ARHGAP4: variants seen among roughly 807,000 people sequenced by gnomAD.
ARHGAP4 encodes rho GTPase-activating protein 4.
Under a neutral mutation model 67.6 loss-of-function variants are expected in ARHGAP4, and 25 were observed. The observed-to-expected ratio is 0.37, with a 90% CI of 0.27 to 0.52. The LOEUF is 0.52. Among genes scored for constraint, ARHGAP4 ranks in the 20% least tolerant of loss-of-function variants. The pLI, the probability that ARHGAP4 is intolerant of heterozygous loss-of-function variation, is 0.92. For missense variants in ARHGAP4, 804 were observed against 854.6 expected (o/e 0.94, Z 0.74); for synonymous variants, 448 against 373.7 (o/e 1.20, Z -2.29).
At position 153,910,304 on chromosome X, in the gene ARHGAP4, C is replaced by T; in HGVS notation, c.2023G>A (p.Ala675Thr). ...LPVPAGQDPV[A>T]LQGRVNQLVQ... is the part of the protein sequence containing the mutation. ...AGCTGGTTCACCCGGCCCTGCAGCG[C>T]CACCGGGTCCTGCCCAGCGGGCACC... The change falls in exon 17 of 22, where the codon GCG (alanine) becomes ACG (threonine). Residue 675 changes from alanine to threonine, a missense_variant. Physicochemically the swap from Ala to Thr is moderately conservative, Grantham distance 58. Transcript: ENST00000350060. The T allele has an allele frequency of 8.3e-7, 1 of 1,209,756 alleles. No individual in the cohort carries two copies. Among genetic ancestry groups the T allele is most frequent in the East Asian group, 3.0e-5 (1 of 33,783 alleles).
Position 153,918,814 on chromosome X carries a change from G to A in ARHGAP4, c.1032+18C>T. 8.3e-7 allele frequency: 1 copy of A among 1,205,343 alleles called. No individual in the cohort carries two copies. The highest frequency in any genetic ancestry group is 2.2e-5 in the Admixed American group (1 of 45,979). On this transcript the variant is annotated intron_variant, in intron 7 of 21. Transcript: ENST00000350060. ...TGAAGGCCAGAGAATGCCAAGCCCA[G>A]CAGGGGGTGACCCTCACCTCATCCC... is the stretch of plus-strand genomic sequence containing the variant.
intron 1 of ARHGAP4, among the ~76,000 whole-genome samples, chrX:153,925,860 G>C (rs782756911): frequency 1.1e-4 from 12 of 113,202 alleles, no homozygotes; most frequent in Non-Finnish European, 1.9e-4. Context: ...GCGGCCACCA[G>C]TGTCTCCACT....
chrX:153,924,120 C>T (rs1350245197), intron 1 of ARHGAP4, among the ~76,000 whole-genome samples: 1 of 111,926 alleles, frequency 8.9e-6, no homozygotes, highest in Non-Finnish European at 1.9e-5. Context: ...CATTTCATTC[C>T]AAGAAAGGTG....
chrX:153,918,808 A>G (rs782190590), intron 7 of ARHGAP4, 24 bp downstream of exon 7: 48 of 1,199,641 alleles, frequency 4.0e-5, no homozygotes, highest in Non-Finnish European at 5.2e-5. Flanking sequence ...GAGAATGCCA[A>G]GCCCAGCAGG....
Position 153,909,919 on chromosome X carries a change from C to T in ARHGAP4, c.2236G>A (p.Glu746Lys). The change falls in exon 19 of 22, where the codon GAG (glutamate) becomes AAG (lysine). Residue 746 changes from glutamate (E) to lysine (K), a missense_variant. Glu to Lys is a moderately conservative substitution (Grantham distance 56). Transcript: ENST00000350060. ...CAGGCCACAGCCTCCACGACCCCCT[C>T]CAGGTCTGGGGAGGAGAGGGGGTCC... ...AEMPAQEDDL[E>K]GVVEAVACFA... 8.3e-7 allele frequency: 1 copy of T among 1,207,235 alleles called. No homozygotes were observed. The highest frequency in any genetic ancestry group is 1.1e-6 in the Non-Finnish European group (1 of 893,544).
At chrX:153,920,906 G>A in intron 4 of ARHGAP4, 98 bp from the exon 5 acceptor site, 9 of 1,094,983 alleles carry the variant, frequency 8.2e-6, no homozygotes, top group Non-Finnish European at 1.1e-5. Context: ...GGACCTCAGA[G>A]CTGGGCGATC....
chrX:153,920,305 T>C, intron 5 of ARHGAP4: 1 of 287,369 alleles, frequency 3.5e-6, no homozygotes, highest in Non-Finnish European at 6.1e-6. Flanking sequence ...CCTTTCTCCG[T>C]GCGTGTCACC....
chrX:153,926,024 A>G, intron 1 of ARHGAP4, 112 bp downstream of exon 1: 1 of 1,035,525 alleles, frequency 9.7e-7, no homozygotes, highest in Admixed American at 2.9e-5. Context: ...CCCGCTCCAG[A>G]GGTCGCTGGG....
rs2065115483 is a variant in ARHGAP4, at chrX:153,924,550, C to G, written c.67+1586G>C. Among the ~76,000 whole-genome samples, 6 of 111,897 alleles carry G rather than the reference C, an allele frequency of 5.4e-5. No homozygotes were observed. The South Asian group carries it at 2.2e-3, about 42-fold the overall frequency. ...TAATGCAAAGTCTATGTCTCCCCCA[C>G]TAGACCCGTGAGCCATGTGAGGGCG... On this transcript the variant is annotated intron_variant, in intron 1 of 21. Transcript: ENST00000350060.
Position 153,910,913 on chromosome X carries a change from C to A in ARHGAP4, c.1681+9G>T. 1 of 1,141,342 alleles carries A rather than the reference C, an allele frequency of 8.8e-7. No individual in the cohort carries two copies. Among genetic ancestry groups the A allele is most frequent in the East Asian group, 3.3e-5 (1 of 30,044 alleles). The allele number at this position is 1,141,342 out of a possible 1,213,427, so 94.1% of individuals were successfully genotyped here. On this transcript the variant is annotated intron_variant, in intron 14 of 21. Transcript: ENST00000350060. ...AGCCCCCACCCCCGCCCGCCCTGCC[C>A]GTCCCCACCTCTCTCGAAGGCATCA...
intron 5 of ARHGAP4, 32 bp downstream of exon 5, chrX:153,920,594 A>G: frequency 8.6e-7 from 1 of 1,169,004 alleles, no homozygotes; most frequent in Non-Finnish European, 1.1e-6. Context: ...CATGGCCCAT[A>G]GGCCTGCGTC....
rs781998219 is a variant in ARHGAP4, at chrX:153,909,860, C to T, written c.2295G>A (p.Leu765=). ...FAYTGRTAQE[L]SFRRGDVLRL... ...GCAGTACGTCCCCCCGCCGGAAGCT[C>T]AGCTCCTGGGCTGTGCGGCCCGTGT... is the stretch of plus-strand genomic sequence containing the variant. The change falls in exon 19 of 22, where the codon CTG becomes CTA. Residue 765 remains leucine (L), a synonymous_variant. Transcript: ENST00000350060. 1 of 1,203,524 alleles carries T rather than the reference C, an allele frequency of 8.3e-7. No homozygotes were observed. The highest frequency in any genetic ancestry group is 1.1e-6 in the Non-Finnish European group (1 of 892,419).
chrX:153,909,253 G>T, intron 20 of ARHGAP4, 84 bp from the exon 21 acceptor site: 1 of 976,010 alleles, frequency 1.0e-6, no homozygotes, highest in Non-Finnish European at 1.4e-6. Context: ...CCTGGGGTGT[G>T]GCCAAGGAAA....
chrX:153,918,742 T>C (rs1557104591), intron 7 of ARHGAP4, 90 bp downstream of exon 7: 1 of 977,625 alleles, frequency 1.0e-6, no homozygotes, highest in Non-Finnish European at 1.4e-6. Context: ...GAACTTGGAT[T>C]CCTGAGCAAA....
At chrX:153,913,185 G>A (rs1557103686) in intron 10 of ARHGAP4, 33 bp downstream of exon 10, 1 of 1,163,944 alleles carries the variant, frequency 8.6e-7, no homozygotes, top group East Asian at 3.2e-5. Flanking sequence ...CTGGGCAGGG[G>A]AGAGGCGGGG....
rs781960199 is a variant in ARHGAP4 at position 153,920,703 on chromosome X, T to C, written c.604A>G (p.Thr202Ala). 4 of 1,211,545 alleles carry C rather than the reference T, an allele frequency of 3.3e-6. No homozygotes were observed. The highest frequency in any genetic ancestry group is 3.4e-6 in the Non-Finnish European group (3 of 895,505). ...GCCTCAGTGGCACCAGCGGTGGTGG[T>C]GGGGACACTCCGGCCTGCCCGCTTC... ...EEKRAGRSVP[T>A]TTAGATEAGP... The change falls in exon 5 of 22, where the codon ACC becomes GCC. Residue 202 changes from threonine to alanine, a missense_variant. Transcript: ENST00000350060.
Position 153,926,256 on chromosome X carries a change from G to A in ARHGAP4, c.-54C>T. Reference sequence around the variant, plus strand: ...CCACTGCTCCCACGCGGCCGTGAGCGGGCCCGGCGCCGGGACTTGGGGGCG... The same window carrying A: ...CCACTGCTCCCACGCGGCCGTGAGCAGGCCCGGCGCCGGGACTTGGGGGCG... On this transcript the variant is annotated 5_prime_UTR_variant, in exon 1 of 22. Coordinates refer to ENST00000350060, the MANE Select transcript of ARHGAP4 (RefSeq NM_001666.5). 1 of 1,017,104 alleles carries A rather than the reference G, an allele frequency of 9.8e-7. No homozygotes were observed. Among genetic ancestry groups the A allele is most frequent in the Non-Finnish European group, 1.2e-6 (1 of 801,581 alleles). 83.8% of individuals were successfully genotyped at this position (1,017,104 alleles called of 1,213,427 possible). A position where few individuals can be genotyped will look rare whatever the true frequency, so the allele number is the denominator to read the frequency against.
chrX:153,921,075 C>T, intron 4 of ARHGAP4, 22 bp downstream of exon 4: 1 of 1,194,672 alleles, frequency 8.4e-7, no homozygotes, highest in Non-Finnish European at 1.1e-6. Flanking sequence ...TGGGGCAGGC[C>T]CCTCCCCAGC....
At position 153,911,112 on chromosome X, in the gene ARHGAP4, G is replaced by C; in HGVS notation, c.1603+17C>G. Reference sequence around the variant, plus strand: ...TGCTGGGTGCCAGGACATCGGGAGGGGCTGGGTCCTGCTTACCATTGAGGT... The same window carrying C: ...TGCTGGGTGCCAGGACATCGGGAGGCGCTGGGTCCTGCTTACCATTGAGGT... On this transcript the variant is annotated intron_variant, in intron 13 of 21. Coordinates refer to ENST00000350060, the MANE Select transcript of ARHGAP4 (RefSeq NM_001666.5). The C allele has an allele frequency of 5.1e-6, 6 of 1,168,646 alleles. No homozygotes were observed. The highest frequency in any genetic ancestry group is 6.9e-6 in the Non-Finnish European group (6 of 873,227).
Sources: gnomAD v4.1 joint callset for allele counts (sites outside exome capture counted in the v4.1 genomes callset) on GRCh38, gnomAD v4.1.1 for gene constraint, MANE v1.5 for transcripts, NCBI Gene and HGNC (gene_info 2026-07-23, HGNC 2026-07-21) for gene names.